Variants in KIR3DL3 observed in about 807,000 individuals in gnomAD.
The protein encoded by KIR3DL3 is killer cell immunoglobulin like receptor, three Ig domains and long cytoplasmic tail 3, also known as killer cell immunoglobulin-like receptor 3DL3.
KIR3DL3 carries 27 observed loss-of-function variants against 34.9 expected under a neutral mutation model. The ratio of observed to expected loss-of-function variants is 0.77; its 90% confidence interval spans 0.57 to 1.07. KIR3DL3 has a LOEUF of 1.07. KIR3DL3 is among the 50% of genes least tolerant of loss of function. KIR3DL3 has a pLI of 0.00. For missense variants in KIR3DL3, 681 were observed against 528.5 expected, an observed-to-expected ratio of 1.29 and a Z score of -2.83; for synonymous variants, 217 against 200.2, an observed-to-expected ratio of 1.08 and a Z score of -0.71.
At position 54,727,758 on chromosome 19, in the gene KIR3DL3, T is replaced by A; in HGVS notation, c.503T>A (p.Val168Asp). The change falls in exon 4 of 8, where the codon GTT becomes GAT. Residue 168 changes from valine (V) to aspartate (D), a missense_variant. Val to Asp is a radical substitution (Grantham distance 152, BLOSUM62 -3). Transcript: ENST00000291860. Reference sequence around the variant, plus strand: ...ATCACTGAGGACCCCTTGCGCCTCGTTGGACAGCTCCACGATGCGGGTTCC... The same window carrying A: ...ATCACTGAGGACCCCTTGCGCCTCGATGGACAGCTCCACGATGCGGGTTCC... ...EGITEDPLRL[V>D]GQLHDAGSQV... 1 of 1,613,140 alleles carries A rather than the reference T, an allele frequency of 6.2e-7. No individual in the cohort carries two copies. The highest frequency in any genetic ancestry group is 8.5e-7 in the Non-Finnish European group (1 of 1,179,716).
chr19:54,725,383 C>A (rs548853364), intron 2 of KIR3DL3, 101 bp downstream of exon 2: 5 of 875,740 alleles, frequency 5.7e-6, no homozygotes. Flanking sequence ...ATGGGCTGAC[C>A]ATGGGAAGCC....
At chr19:54,728,055 G>A (rs2068397292) in intron 4 of KIR3DL3, 145 bp downstream of exon 4, 1 of 808,252 alleles carries the variant, frequency 1.2e-6, no homozygotes, top group Non-Finnish European at 2.0e-6. Flanking sequence ...ACCAACAAAG[G>A]CAGAGAAACA....
In KIR3DL3 at chr19:54,735,196, A is replaced by G. The variant is rs556286170; in HGVS notation, c.950-57A>G. Reference sequence around the variant, plus strand: ...CCTGTCAATCAAGAAATGTGAGACAATTCATATAGAGGAACTGCTATGATT... The same window carrying G: ...CCTGTCAATCAAGAAATGTGAGACAGTTCATATAGAGGAACTGCTATGATT... On this transcript the variant is annotated intron_variant, in intron 5 of 7. Transcript: ENST00000291860. 4 of 1,265,236 alleles carry G rather than the reference A, an allele frequency of 3.2e-6. No homozygotes were observed. The African/African-American group carries it at 5.9e-5, about 19-fold the overall frequency. 78.4% of individuals were successfully genotyped at this position (1,265,236 alleles called of 1,614,324 possible). A position where few individuals can be genotyped will look rare whatever the true frequency, so the allele number is the denominator to read the frequency against.
chr19:54,731,313 A>AT (rs2068765175), intron 5 of KIR3DL3, among the ~76,000 whole-genome samples: 1 of 151,584 alleles, frequency 6.6e-6, no homozygotes, highest in Non-Finnish European at 1.5e-5. Context: ...ACCTCATTTT[A>AT]TTTTTTGAGG....
rs756478047 is a variant in KIR3DL3, at chr19:54,735,868, G to C, written c.1103G>C (p.Arg368Thr). The stretch of plus-strand genomic sequence containing the variant: ...CCTGCAGGGAACAGAACAGTGAACA[G>C]GGAGGTAGGTGCTCCTCCGCCCAGC... ...QEPAGNRTVN[R>T]EDSDEQDPQE... Residue 368 changes from arginine (R) to threonine (T), a missense_variant, in exon 7 of 8, where the codon AGG (arginine) becomes ACG (threonine). Coordinates refer to ENST00000291860, the MANE Select transcript of KIR3DL3 (RefSeq NM_153443.5). The C allele has an allele frequency of 6.2e-7, 1 of 1,607,084 alleles. No individual in the cohort carries two copies. The highest frequency in any genetic ancestry group is 1.7e-5 in the Admixed American group (1 of 58,774).
chr19:54,729,904 TG>T (rs1200251452), intron 5 of KIR3DL3, 118 bp downstream of exon 5: 4 of 893,008 alleles, frequency 4.5e-6, no homozygotes, highest in Non-Finnish European at 6.5e-6. Flanking sequence ...ACAGCATGGG[TG>T]TAAGGGCGGG....
intron 5 of KIR3DL3, among the ~76,000 whole-genome samples, chr19:54,732,706 C>G (rs2068950912): frequency 6.6e-6 from 1 of 151,772 alleles, no homozygotes; most frequent in Non-Finnish European, 1.5e-5. Context: ...ACTGAGCTCT[C>G]AGCCGTGAAG....
intron 5 of KIR3DL3, among the ~76,000 whole-genome samples, 199 bp downstream of exon 5, chr19:54,729,985 C>T (rs2068633826): frequency 6.7e-6 from 1 of 148,724 alleles, no homozygotes; most frequent in Non-Finnish European, 1.5e-5. Context: ...TGCCCTTGAT[C>T]AGGGTTCCAG....
intron 5 of KIR3DL3, among the ~76,000 whole-genome samples, chr19:54,730,849 T>A (rs1319530496): frequency 2.0e-4 from 31 of 152,326 alleles, no homozygotes; most frequent in Admixed American, 3.9e-4. Flanking sequence ...GCAGGTAGGT[T>A]GATCCACATC....
chr19:54,731,742 T>G (rs1301384348), intron 5 of KIR3DL3, among the ~76,000 whole-genome samples: 3 of 151,976 alleles, frequency 2.0e-5, no homozygotes, highest in East Asian at 1.9e-4. Flanking sequence ...GGGCCCCTGG[T>G]CCCCTTCCTC....
In KIR3DL3 at chr19:54,736,575, A is replaced by C. The variant is rs1427791662; in HGVS notation, c.*479A>C. 1.3e-5 allele frequency: 2 copies of C among 153,432 alleles called. No homozygotes were observed. The highest frequency in any genetic ancestry group is 1.3e-4 in the Admixed American group (2 of 14,970). The allele number at this position is 153,432 out of a possible 1,614,324, so 9.5% of individuals were successfully genotyped here. A position where few individuals can be genotyped will look rare whatever the true frequency, so the allele number is the denominator to read the frequency against. The stretch of plus-strand genomic sequence containing the variant: ...CTTCTGTCAGCAGTAAAACTTATAA[A>C]TTTTTTTTATAATTTCAATGTAGTT... On this transcript the variant is annotated 3_prime_UTR_variant, in exon 8 of 8. Transcript: ENST00000291860.
Position 54,729,372 on chromosome 19 carries a change from G to A in KIR3DL3, c.656-121G>A, listed in dbSNP as rs968294997. On this transcript the variant is annotated intron_variant, in intron 4 of 7. Coordinates refer to ENST00000291860, the MANE Select transcript of KIR3DL3 (RefSeq NM_153443.5). ...AGACATGAAGAGAGATGGGGGTGGA[G>A]GGTGAGAGAGAGAAAGAGAGCATTA... 334 of 1,139,306 alleles carry A rather than the reference G, an allele frequency of 2.9e-4. No individual in the cohort carries two copies. The African/African-American group carries it at 4.8e-3, about 16-fold the overall frequency. The allele number at this position is 1,139,306 out of a possible 1,614,324, so 70.6% of individuals were successfully genotyped here. A position where few individuals can be genotyped will look rare whatever the true frequency, so the allele number is the denominator to read the frequency against.
rs1465351092 is a variant in KIR3DL3, at chr19:54,729,918, CA to C, written c.949+133del. The stretch of plus-strand genomic sequence containing the variant: ...CACAGCATGGGTGTAAGGGCGGGGT[CA>C]GGGCGCAGGATGGCAGACAGGGCAC... On this transcript the variant is annotated intron_variant, in intron 5 of 7. Transcript: ENST00000291860. 838 of 656,004 alleles carry C rather than the reference CA, an allele frequency of 1.3e-3. 15 individuals are homozygous for C. The African/African-American group carries it at 0.014, about 11-fold the overall frequency. 40.6% of individuals were successfully genotyped at this position (656,004 alleles called of 1,614,324 possible).
chr19:54,735,551 A>G (rs1248748757), intron 6 of KIR3DL3, among the ~76,000 whole-genome samples, 194 bp downstream of exon 6: 1 of 133,546 alleles, frequency 7.5e-6, no homozygotes, highest in Non-Finnish European at 1.6e-5. Flanking sequence ...CTGATTCTGA[A>G]CCGTATCCTC....
At chr19:54,730,601 T>C (rs1202815751) in intron 5 of KIR3DL3, among the ~76,000 whole-genome samples, 2 of 151,716 alleles carry the variant, frequency 1.3e-5, no homozygotes, top group Non-Finnish European at 2.9e-5. Flanking sequence ...TAATTAGTAT[T>C]CTTTTTTTTT....
intron 5 of KIR3DL3, among the ~76,000 whole-genome samples, chr19:54,731,113 T>G (rs1018891652): frequency 8.6e-5 from 13 of 151,958 alleles, no homozygotes; most frequent in African/African-American, 3.1e-4. Context: ...TTCAAGAGAT[T>G]CCCCAGCCTC....
At position 54,727,671 on chromosome 19, in the gene KIR3DL3, C is replaced by G; in HGVS notation, c.416C>G (p.Thr139Arg). 1.2e-6 allele frequency: 2 copies of G among 1,611,960 alleles called. No homozygotes were observed. The highest frequency in any genetic ancestry group is 2.2e-5 in the East Asian group (1 of 44,662). Residue 139 changes from threonine to arginine, a missense_variant, in exon 4 of 8, where the codon ACG becomes AGG. Thr to Arg is a moderately conservative substitution (Grantham distance 71). Transcript: ENST00000291860. ...GGTCCCCTGGTGAAATCAGGAGAGA[C>G]GGTCATCCTGCAATGTTGGTCAGAT... ...HPGPLVKSGE[T>R]VILQCWSDVR... is the part of the protein sequence containing the mutation.
intron 3 of KIR3DL3, among the ~76,000 whole-genome samples, chr19:54,726,639 T>C (rs2068217076): frequency 6.8e-6 from 1 of 147,146 alleles, no homozygotes; most frequent in African/African-American, 2.5e-5. Flanking sequence ...TGTCCTGCTG[T>C]GCTCAGAGTA....
chr19:54,729,265 G>C (rs1363106711), intron 4 of KIR3DL3, among the ~76,000 whole-genome samples: 3 of 151,546 alleles, frequency 2.0e-5, no homozygotes, highest in Non-Finnish European at 4.4e-5. Flanking sequence ...AGAATAAAAT[G>C]GTACAAAAAA....
Sources: allele counts gnomAD v4.1 joint callset (sites outside exome capture counted in the v4.1 genomes callset), GRCh38; gene constraint gnomAD v4.1.1; transcripts MANE v1.5; gene names NCBI Gene and HGNC (gene_info 2026-07-23, HGNC 2026-07-21).